The following NEXMIF variants were observed in gnomAD, a reference collection of about 807,000 sequenced individuals.
The protein encoded by NEXMIF is XLMR protein related to neurite extension.
Under a neutral mutation model 62.1 loss-of-function variants are expected in NEXMIF, and 8 were observed. The observed-to-expected ratio is 0.13, with a 90% confidence interval of 0.08 to 0.23. The LOEUF (loss-of-function observed/expected upper bound fraction) is 0.23, where lower values mean the gene tolerates loss of function less well. Ranked by LOEUF, NEXMIF falls within the 10% of genes least tolerant of loss-of-function variation. The pLI, the probability that NEXMIF is intolerant of heterozygous loss-of-function variation, is 1.00. For synonymous variants in NEXMIF, 404 were observed against 416.6 expected (o/e 0.97, Z 0.37); for missense variants, 976 against 1,113.3 (o/e 0.88, Z 1.75).
chrX:74,816,714 T>C (rs759730078), intron 1 of NEXMIF, among the ~76,000 whole-genome samples: 40 of 111,975 alleles, frequency 3.6e-4, no homozygotes, highest in Non-Finnish European at 7.3e-4. Context: ...CATAGATTCC[T>C]GAATGAGTTA....
In NEXMIF at chrX:74,739,359, A is replaced by G; in HGVS notation, c.*46T>C. On this transcript the variant is annotated 3_prime_UTR_variant, in exon 4 of 4. Coordinates refer to ENST00000055682, the MANE Select transcript of NEXMIF (RefSeq NM_001008537.3). ...CTTTTCTTTAAGCACTTACATGTCA[A>G]CATACATACCACAAGGCATATTTTG... 1.1e-6 allele frequency: 1 copy of G among 929,563 alleles called. No homozygotes were observed. Among genetic ancestry groups the G allele is most frequent in the Admixed American group, 2.9e-5 (1 of 34,735 alleles). 76.6% of individuals were successfully genotyped at this position (929,563 alleles called of 1,213,427 possible).
intron 1 of NEXMIF, among the ~76,000 whole-genome samples, chrX:74,766,263 A>G (rs1349255605): frequency 9.0e-6 from 1 of 110,958 alleles, no homozygotes; most frequent in Non-Finnish European, 1.9e-5. Flanking sequence ...GTAGTTCCCA[A>G]ATTTGACTGT....
rs370708043 is a variant in NEXMIF, at chrX:74,745,609, G to A, written c.42C>T (p.Asn14=). ...CCCCATTAATCAGAGTGTTTTCTCC[G>A]TTGGCTGAGGCAACAATAGCCTTAT... ...QQDKAIVASA[N]GENTLINGVK... Residue 14 remains asparagine, a synonymous_variant, in exon 2 of 4, where the codon AAC becomes AAT. Coordinates refer to ENST00000055682, the MANE Select transcript of NEXMIF (RefSeq NM_001008537.3). The A allele has an allele frequency of 1.6e-4, 194 of 1,199,218 alleles. No individual in the cohort carries two copies. The highest frequency in any genetic ancestry group is 2.3e-4 in the Middle Eastern group (1 of 4,345).
At chrX:74,831,591 C>T (rs972105761) in intron 1 of NEXMIF, among the ~76,000 whole-genome samples, 33 of 110,423 alleles carry the variant, frequency 3.0e-4, no homozygotes, top group Non-Finnish European at 2.8e-4. Context: ...TCCAGTCTAT[C>T]GTTGTTGGAC....
intron 1 of NEXMIF, among the ~76,000 whole-genome samples, chrX:74,787,951 C>CT (rs1185582230): frequency 8.9e-6 from 1 of 111,867 alleles, no homozygotes; most frequent in Non-Finnish European, 1.9e-5. Flanking sequence ...ACCTCTATAA[C>CT]TGAGGTTTGC....
chrX:74,878,538 C>G lies in NEXMIF; in HGVS notation c.-48+46345G>C, dbSNP rs964380773. On this transcript the variant is annotated intron_variant, in intron 1 of 3. Transcript: ENST00000055682. ...CCACCCAGTTCAAGCTTCCTGGCTG[C>G]TTTGTTTACCTAAGCAAGCCTGGGC... 1.3e-3 allele frequency among the ~76,000 whole-genome samples: 147 copies of G among 112,695 alleles called. 3 individuals are homozygous for G. The highest frequency in any genetic ancestry group is 2.3e-3 in the Non-Finnish European group (122 of 53,263).
chrX:74,921,014 A>C (rs1036128963), intron 1 of NEXMIF, among the ~76,000 whole-genome samples: 1 of 111,948 alleles, frequency 8.9e-6, no homozygotes. Flanking sequence ...CATCAAAATT[A>C]TCACACTGGG....
At chrX:74,847,499 A>G (rs1268682880) in intron 1 of NEXMIF, among the ~76,000 whole-genome samples, 1 of 112,231 alleles carries the variant, frequency 8.9e-6, no homozygotes, top group Non-Finnish European at 1.9e-5. Flanking sequence ...GTTCTAAGCA[A>G]CATACTGGAG....
chrX:74,782,436 T>C (rs904746903), intron 1 of NEXMIF, among the ~76,000 whole-genome samples: 3 of 111,267 alleles, frequency 2.7e-5, no homozygotes, highest in African/African-American at 9.8e-5. Flanking sequence ...CTTAGGTCCC[T>C]GCCATGATTT....
chrX:74,788,844 A>G (rs2080268623), intron 1 of NEXMIF, among the ~76,000 whole-genome samples: 1 of 111,082 alleles, frequency 9.0e-6, no homozygotes, highest in Admixed American at 9.6e-5. Flanking sequence ...GTCTCCCACA[A>G]TCTCCCAGAC....
At chrX:74,837,647 A>ATT (rs1221360728) in intron 1 of NEXMIF, among the ~76,000 whole-genome samples, 1 of 111,970 alleles carries the variant, frequency 8.9e-6, no homozygotes, top group African/African-American at 3.2e-5. Context: ...TTTTTCCAAG[A>ATT]TTCTTTGTCA....
chrX:74,802,227 G>T (rs774442910), intron 1 of NEXMIF, among the ~76,000 whole-genome samples: 1 of 111,090 alleles, frequency 9.0e-6, no homozygotes, highest in African/African-American at 3.3e-5. Flanking sequence ...TGGTATCCAG[G>T]GAGTGGTTAC....
intron 1 of NEXMIF, among the ~76,000 whole-genome samples, chrX:74,923,982 A>AT (rs1407965111): frequency 1.8e-5 from 2 of 111,395 alleles, no homozygotes; most frequent in Non-Finnish European, 1.9e-5. Flanking sequence ...GGGGATGCCA[A>AT]TTTTTTTTTA....
At chrX:74,805,218 C>A (rs949203884) in intron 1 of NEXMIF, among the ~76,000 whole-genome samples, 1 of 111,757 alleles carries the variant, frequency 8.9e-6, no homozygotes, top group Admixed American at 9.5e-5. Context: ...GAGTGCTCGC[C>A]GGATTTTTGG....
At position 74,865,005 on chromosome X, in the gene NEXMIF, G is replaced by A. The variant is rs748225795; in HGVS notation, c.-48+59878C>T. 4.5e-5 allele frequency among the ~76,000 whole-genome samples: 5 copies of A among 112,016 alleles called. No individual in the cohort carries two copies. In the South Asian group the frequency reaches 1.1e-3, roughly 25 times the overall value. On this transcript the variant is annotated intron_variant, in intron 1 of 3. Transcript: ENST00000055682. ...ATTACAGGCATGAGCAACCATACCC[G>A]GCCATCAGGTATTTCTTCATAGCAG... is the stretch of plus-strand genomic sequence containing the variant.
rs779551392 is a variant in NEXMIF, at chrX:74,735,344, A to C, written c.*4061T>G. 1 of 111,967 alleles carries C rather than the reference A, an allele frequency of 8.9e-6. No homozygotes were observed. The highest frequency in any genetic ancestry group is 1.9e-5 in the Non-Finnish European group (1 of 53,205). 9.2% of individuals were successfully genotyped at this position (111,967 alleles called of 1,213,427 possible). A position where few individuals can be genotyped will look rare whatever the true frequency, so the allele number is the denominator to read the frequency against. ...TTCTGAGAGCATCTGTAAGCTGAAG[A>C]CATGTTGGATCTACATCACACTGGT... is the stretch of plus-strand genomic sequence containing the variant. On this transcript the variant is annotated 3_prime_UTR_variant, in exon 4 of 4. Transcript: ENST00000055682.
intron 1 of NEXMIF, among the ~76,000 whole-genome samples, chrX:74,907,640 T>A (rs1220383834): frequency 1.8e-5 from 2 of 111,130 alleles, no homozygotes; most frequent in Non-Finnish European, 3.8e-5. Context: ...TATCAATATT[T>A]ACCTTTCCTA....
rs774604207 is a variant in NEXMIF, at chrX:74,868,686, T to A, written c.-48+56197A>T. Among the ~76,000 whole-genome samples, 283 of 110,350 alleles carry A rather than the reference T, an allele frequency of 2.6e-3. 1 individual carries two copies. The highest frequency in any genetic ancestry group is 8.4e-3 in the African/African-American group (256 of 30,314). On this transcript the variant is annotated intron_variant, in intron 1 of 3. Transcript: ENST00000055682. ...GCTAATACATGTGGGGCTTAATACC[T>A]AGGTGATGGGTTGATAGGTGCAGCA...
At chrX:74,877,462 A>T (rs1431220126) in intron 1 of NEXMIF, among the ~76,000 whole-genome samples, 1 of 110,801 alleles carries the variant, frequency 9.0e-6, no homozygotes, top group African/African-American at 3.3e-5. Flanking sequence ...TCTGACAATT[A>T]TGTGTCTTGG....
Sources: gnomAD v4.1 joint callset for allele counts (sites outside exome capture counted in the v4.1 genomes callset) on GRCh38, gnomAD v4.1.1 for gene constraint, MANE v1.5 for transcripts, NCBI Gene and HGNC (gene_info 2026-07-23, HGNC 2026-07-21) for gene names.